The following UTY variants were observed in gnomAD, a reference collection of about 807,000 sequenced individuals.
The protein encoded by UTY is histone demethylase UTY.
In UTY, 12 loss-of-function variants were observed where a neutral mutation model predicts 32.5. The ratio of observed to expected loss-of-function variants is 0.37; its 90% CI spans 0.24 to 0.60. The LOEUF is 0.60. Among genes scored for constraint, UTY ranks in the 20% least tolerant of loss-of-function variants. UTY has a pLI of 0.69. For missense variants in UTY, 303 were observed against 299.2 expected (o/e 1.01, Z -0.09); for synonymous variants, 131 against 103.4 (o/e 1.27, Z -1.62).
chrY:13,398,438 G>A, intron 6 of UTY, among the ~76,000 whole-genome samples: 1 of 33,330 alleles, frequency 3.0e-5, no homozygotes, highest in African/African-American at 1.2e-4. Context: ...GATCAGAGAC[G>A]TAAACTTAAG....
chrY:13,298,561 T>C, intron 26 of UTY, among the ~76,000 whole-genome samples: 3 of 31,726 alleles, frequency 9.5e-5, no homozygotes, highest in Non-Finnish European at 1.5e-4. Context: ...AAGACAATCC[T>C]GGCTAACACG....
chrY:13,456,027 A>G, intron 3 of UTY, among the ~76,000 whole-genome samples: 1 of 32,386 alleles, frequency 3.1e-5, no homozygotes. Context: ...TTACTCCTCT[A>G]TTTACAACAT....
At chrY:13,430,449 A>T (rs1031584999) in intron 4 of UTY, among the ~76,000 whole-genome samples, 10 of 33,460 alleles carry the variant, frequency 3.0e-4, no homozygotes, top group Non-Finnish European at 1.5e-4. Flanking sequence ...GAGGTTGTGT[A>T]CCTTGAGGGA....
chrY:13,239,312 C>A, intron 28 of UTY, among the ~76,000 whole-genome samples: 1 of 33,246 alleles, frequency 3.0e-5, no homozygotes, highest in African/African-American at 1.2e-4. Flanking sequence ...AAAAGAATTA[C>A]AAAATCTTTA....
At chrY:13,334,788 G>A (rs2060941637) in intron 18 of UTY, among the ~76,000 whole-genome samples, 3 of 33,622 alleles carry the variant, frequency 8.9e-5, no homozygotes, top group South Asian at 6.6e-4. Context: ...ACAGTGTGGC[G>A]ATTCCTCAAG....
intron 4 of UTY, among the ~76,000 whole-genome samples, chrY:13,423,221 T>C (rs2072824558): frequency 3.0e-5 from 1 of 33,330 alleles, no homozygotes; most frequent in Non-Finnish European, 7.4e-5. Context: ...AGGAAAAGAA[T>C]GGCATAGAAA....
chrY:13,275,329 G>T, intron 27 of UTY, among the ~76,000 whole-genome samples: 4 of 33,629 alleles, frequency 1.2e-4, no homozygotes, highest in African/African-American at 4.6e-4. Context: ...ACTTAATGCA[G>T]TCCTTCCATG....
chrY:13,414,872 G>A, intron 4 of UTY, 79 bp from the exon 5 acceptor site: 1 of 172,985 alleles, frequency 5.8e-6, no homozygotes, highest in Non-Finnish European at 8.9e-6. Flanking sequence ...AAGAAGTCAC[G>A]TAACGAGATG....
intron 4 of UTY, among the ~76,000 whole-genome samples, chrY:13,421,645 A>C (rs952491103): frequency 5.9e-5 from 2 of 33,663 alleles, no homozygotes; most frequent in Admixed American, 2.7e-4. Flanking sequence ...AAGCAGCCAT[A>C]AAAAGGAATA....
intron 27 of UTY, among the ~76,000 whole-genome samples, chrY:13,272,128 T>C (rs2056340192): frequency 8.8e-5 from 3 of 34,220 alleles, no homozygotes; most frequent in Non-Finnish European, 2.2e-4. Context: ...GGTTTAAAAA[T>C]TTGTACTCAA....
At chrY:13,276,480 C>T (rs2056689391) in intron 27 of UTY, among the ~76,000 whole-genome samples, 1 of 33,546 alleles carries the variant, frequency 3.0e-5, no homozygotes, top group African/African-American at 1.2e-4. Flanking sequence ...GAAGCTGAGG[C>T]GGGCGGATCA....
intron 6 of UTY, among the ~76,000 whole-genome samples, chrY:13,407,557 C>G: frequency 6.3e-5 from 2 of 31,817 alleles, no homozygotes; most frequent in African/African-American, 2.4e-4. Context: ...TCAGGTACTT[C>G]CATTTCCTTT....
intron 8 of UTY, among the ~76,000 whole-genome samples, chrY:13,388,376 T>C (rs2067147978): frequency 2.9e-5 from 1 of 33,934 alleles, no homozygotes; most frequent in Admixed American, 2.7e-4. Context: ...ATTGTGTATA[T>C]ATTTAGATAC....
intron 18 of UTY, among the ~76,000 whole-genome samples, chrY:13,328,985 T>C (rs2060466539): frequency 3.0e-5 from 1 of 33,514 alleles, no homozygotes; most frequent in South Asian, 6.4e-4. Flanking sequence ...CACTACTCCA[T>C]TACTGCTCCC....
downstream of UTY, chrY:13,248,247 C>T (rs2053974044): frequency 3.0e-5 from 1 of 33,463 alleles, no homozygotes; most frequent in South Asian, 6.5e-4. Flanking sequence ...CAAGACATTT[C>T]ACCTGATAAG....
intron 21 of UTY, among the ~76,000 whole-genome samples, chrY:13,312,324 C>T (rs1237237574): frequency 2.0e-4 from 6 of 30,578 alleles, no homozygotes; most frequent in Non-Finnish European, 3.2e-4. Context: ...ACCCGGGAGG[C>T]GGAGCTTGCA....
At chrY:13,327,088 TAAG>T (rs760700316) in intron 18 of UTY, among the ~76,000 whole-genome samples, 16 of 33,524 alleles carry the variant, frequency 4.8e-4, no homozygotes, top group African/African-American at 1.8e-3. Flanking sequence ...AGTATGCAAA[TAAG>T]AAGTATATTC....
downstream of UTY, among the ~76,000 whole-genome samples, chrY:13,244,108 C>G: frequency 3.1e-5 from 1 of 32,485 alleles, no homozygotes; most frequent in Non-Finnish European, 7.5e-5. Flanking sequence ...GAGCCTGGCC[C>G]AAGTATATTA....
intron 4 of UTY, among the ~76,000 whole-genome samples, chrY:13,433,850 A>G: frequency 1.2e-4 from 4 of 33,965 alleles, no homozygotes; most frequent in Admixed American, 1.0e-3. Context: ...TAAATGAAAC[A>G]AAATCTTCCC....
Sources: gnomAD v4.1 joint callset for allele counts (sites outside exome capture counted in the v4.1 genomes callset) on GRCh38, gnomAD v4.1.1 for gene constraint, MANE v1.5 for transcripts, NCBI Gene and HGNC (gene_info 2026-07-23, HGNC 2026-07-21) for gene names.